RAB38: variants seen among roughly 807,000 people sequenced by gnomAD.
RAB38 encodes the protein RAB38, member RAS oncogene family.
A neutral mutation model predicts 18.4 loss-of-function variants in RAB38; 15 were observed. The ratio of observed to expected loss-of-function variants is 0.82; its 90% CI spans 0.55 to 1.26. The LOEUF (loss-of-function observed/expected upper bound fraction) is 1.26. Ranked by LOEUF, RAB38 falls within the 50% of genes most tolerant of loss-of-function variation. RAB38 has a pLI of 0.00. For synonymous variants in RAB38, 101 were observed against 104.4 expected (o/e 0.97, Z 0.20); for missense variants, 294 against 267.4 (o/e 1.10, Z -0.69).
chr11:88,045,450 C>A, the RAB38 span, among the ~76,000 whole-genome samples: 1 of 152,210 alleles, frequency 6.6e-6, no homozygotes, highest in Non-Finnish European at 1.5e-5. Flanking sequence ...GCCTGCGTCC[C>A]CCAGGAGCTT....
At chr11:88,104,204 C>T in the RAB38 span, among the ~76,000 whole-genome samples, 1 of 152,088 alleles carries the variant, frequency 6.6e-6, no homozygotes, top group East Asian at 1.9e-4. Context: ...CGGCTTTTCC[C>T]GGCATTTGCT....
At chr11:87,840,735 A>T in the RAB38 span, among the ~76,000 whole-genome samples, 9 of 152,316 alleles carry the variant, frequency 5.9e-5, 1 homozygote, top group Middle Eastern at 6.8e-3. Context: ...ATGAATATGG[A>T]TGTTTCTAAT....
At chr11:87,884,649 T>C in the RAB38 span, among the ~76,000 whole-genome samples, 1 of 151,878 alleles carries the variant, frequency 6.6e-6, no homozygotes, top group Non-Finnish European at 1.5e-5. Context: ...AGCACTAAAA[T>C]AAATGGAAGC....
At chr11:87,952,179 G>T in the RAB38 span, among the ~76,000 whole-genome samples, 3 of 152,102 alleles carry the variant, frequency 2.0e-5, no homozygotes, top group Non-Finnish European at 2.9e-5. Flanking sequence ...GAGCTGGGGG[G>T]TAGGGAACAC....
chr11:87,878,735 T>C, the RAB38 span, among the ~76,000 whole-genome samples: 1 of 151,730 alleles, frequency 6.6e-6, no homozygotes, highest in African/African-American at 2.4e-5. Context: ...AAGCCAGCTG[T>C]GTGCCACTTA....
At chr11:87,811,042 G>A in the RAB38 span, among the ~76,000 whole-genome samples, 2,693 of 152,234 alleles carry the variant, frequency 0.018, 40 homozygotes, top group African/African-American at 0.037. Context: ...AAAAGAGGGC[G>A]TTTAACTCTG....
chr11:87,877,240 G>A, the RAB38 span, among the ~76,000 whole-genome samples: 3 of 151,404 alleles, frequency 2.0e-5, no homozygotes, highest in African/African-American at 7.3e-5. Flanking sequence ...CCTAGAATTT[G>A]GAAAGTACAT....
chr11:87,830,456 G>A, the RAB38 span, among the ~76,000 whole-genome samples: 1 of 151,950 alleles, frequency 6.6e-6, no homozygotes, highest in South Asian at 2.1e-4. Context: ...ACTGCAGCCT[G>A]GGTGACAGAC....
the RAB38 span, among the ~76,000 whole-genome samples, chr11:88,033,286 G>A: frequency 6.6e-6 from 1 of 151,820 alleles, no homozygotes; most frequent in Non-Finnish European, 1.5e-5. Flanking sequence ...TAGATGACGA[G>A]TTAGTGGGTG....
In RAB38 at chr11:88,151,716, T is replaced by C. The variant is rs149212862; in HGVS notation, c.203-1761A>G. ...GAGCTAAAAACTTTATAATGGTAAGTTTTAATTCAAGTTAGCAAGCTGTTT... is the reference window on the plus strand; with the variant it reads ...GAGCTAAAAACTTTATAATGGTAAGCTTTAATTCAAGTTAGCAAGCTGTTT... On this transcript the variant is annotated intron_variant, in intron 1 of 2. Transcript: ENST00000243662. 1.3e-3 allele frequency among the ~76,000 whole-genome samples: 205 copies of C among 152,288 alleles called. 1 individual carries two copies. Among genetic ancestry groups the C allele is most frequent in the African/African-American group, 4.9e-3 (205 of 41,556 alleles).
Position 88,158,577 on chromosome 11 carries a change from T to C in RAB38, c.203-8622A>G, listed in dbSNP as rs1296788670. ...AGCACATGAAAAAGTGAATTCACTATGATCAAATAGTGCAAGGATGCAAGG... is the reference window on the plus strand; with the variant it reads ...AGCACATGAAAAAGTGAATTCACTACGATCAAATAGTGCAAGGATGCAAGG... On this transcript the variant is annotated intron_variant, in intron 1 of 2. Transcript: ENST00000243662. Among the ~76,000 whole-genome samples, 5 of 152,124 alleles carry C rather than the reference T, an allele frequency of 3.3e-5. No individual in the cohort carries two copies. The East Asian group carries it at 9.7e-4, about 29-fold the overall frequency.
chr11:87,859,268 T>C, the RAB38 span, among the ~76,000 whole-genome samples: 1 of 152,030 alleles, frequency 6.6e-6, no homozygotes, highest in Non-Finnish European at 1.5e-5. Context: ...TTAGCAGATG[T>C]CCCTAGATTT....
intron 1 of RAB38, among the ~76,000 whole-genome samples, chr11:88,156,296 T>C (rs766935024): frequency 6.6e-6 from 1 of 152,156 alleles, no homozygotes; most frequent in African/African-American, 2.4e-5. Flanking sequence ...TCAAATTGCA[T>C]AAAAAGGAAA....
intron 2 of RAB38, among the ~76,000 whole-genome samples, chr11:88,147,328 C>T (rs944677122): frequency 3.9e-5 from 6 of 152,098 alleles, no homozygotes; most frequent in Admixed American, 6.6e-5. Flanking sequence ...TAACAGAAGA[C>T]TCCTCTCCCC....
At chr11:87,875,632 T>C in the RAB38 span, among the ~76,000 whole-genome samples, 1 of 151,594 alleles carries the variant, frequency 6.6e-6, no homozygotes, top group Non-Finnish European at 1.5e-5. Flanking sequence ...TATATTTTCT[T>C]AAATTTTTCT....
the RAB38 span, among the ~76,000 whole-genome samples, chr11:88,086,784 G>A: frequency 6.6e-6 from 1 of 151,888 alleles, no homozygotes. Context: ...TGTCTCTGGT[G>A]TTAAGTCCTA....
the RAB38 span, chr11:87,817,313 A>T: frequency 6.6e-6 from 1 of 152,284 alleles, no homozygotes; most frequent in South Asian, 2.1e-4. Context: ...GATAATTTTC[A>T]ATGTATTCAT....
intron 2 of RAB38, among the ~76,000 whole-genome samples, chr11:88,144,156 T>C (rs1394385087): frequency 1.3e-5 from 2 of 152,224 alleles, no homozygotes; most frequent in African/African-American, 2.4e-5. Flanking sequence ...ATTATGATTC[T>C]CAGTTTGCTC....
At chr11:87,977,240 A>T in the RAB38 span, among the ~76,000 whole-genome samples, 228 of 1,356 alleles carry the variant, frequency 0.17, 88 homozygotes, top group Middle Eastern at 1. Context: ...TATACAAGTA[A>T]ATTATAAAAT....
Sources: allele counts gnomAD v4.1 joint callset (sites outside exome capture counted in the v4.1 genomes callset), GRCh38; gene constraint gnomAD v4.1.1; transcripts MANE v1.5; gene names NCBI Gene and HGNC (gene_info 2026-07-23, HGNC 2026-07-21).